Variants in SOX5 observed in about 807,000 individuals in gnomAD.
SOX5 encodes the protein SRY-box transcription factor 5.
Under a neutral mutation model 92.0 loss-of-function variants are expected in SOX5, and 9 were observed. The ratio of observed to expected loss-of-function variants is 0.10; its 90% CI spans 0.06 to 0.17. The LOEUF (loss-of-function observed/expected upper bound fraction) is 0.17. SOX5 is among the 10% of genes least tolerant of loss of function. The pLI, the probability that SOX5 is intolerant of heterozygous loss-of-function variation, is 1.00. For synonymous variants in SOX5, 344 were observed against 336.3 expected (o/e 1.02, Z -0.25); for missense variants, 642 against 944.5 (o/e 0.68, Z 4.20).
intron 4 of SOX5, among the ~76,000 whole-genome samples, chr12:23,988,593 A>C (rs1409467499): frequency 6.6e-6 from 1 of 152,238 alleles, no homozygotes; most frequent in African/African-American, 2.4e-5. Flanking sequence ...ATAAGCAAGC[A>C]CTAATTAATA....
chr12:24,041,381 G>C (rs1956510161), intron 4 of SOX5, among the ~76,000 whole-genome samples: 1 of 152,114 alleles, frequency 6.6e-6, no homozygotes, highest in South Asian at 2.1e-4. Flanking sequence ...AATACCATAT[G>C]CCAGAAAAAT....
chr12:23,875,021 A>G (rs2096912920), intron 2 of SOX5, among the ~76,000 whole-genome samples: 1 of 152,182 alleles, frequency 6.6e-6, no homozygotes. Context: ...TAGGTCTTCA[A>G]CTTCCATTGT....
At chr12:23,968,082 A>G (rs1359661686) in intron 4 of SOX5, among the ~76,000 whole-genome samples, 1 of 152,174 alleles carries the variant, frequency 6.6e-6, no homozygotes, top group Non-Finnish European at 1.5e-5. Flanking sequence ...GTAATTTGCC[A>G]AAAGTCAAAT....
chr12:23,581,685 G>T (rs183169438), intron 9 of SOX5, among the ~76,000 whole-genome samples: 15 of 152,102 alleles, frequency 9.9e-5, no homozygotes, highest in Admixed American at 9.8e-4. Context: ...AGGACATTTA[G>T]GCATGTAGCT....
Position 23,536,665 on chromosome 12 carries a change from A to C in SOX5, c.1776T>G (p.Ser592=). The C allele has an allele frequency of 6.2e-7, 1 of 1,613,218 alleles. No homozygotes were observed. The highest frequency in any genetic ancestry group is 8.5e-7 in the Non-Finnish European group (1 of 1,179,154). The change falls in exon 14 of 15, where the codon TCT becomes TCG. Residue 592 remains serine (S), a synonymous_variant. Transcript: ENST00000451604. ...HNSNISKILG[S]RWKAMTNLEK... Reference sequence around the variant, plus strand: ...CTAGGTTTGTCATAGCTTTCCAGCGAGATCCTATGAAGAAAGGAGGTTAGG... The same window carrying C: ...CTAGGTTTGTCATAGCTTTCCAGCGCGATCCTATGAAGAAAGGAGGTTAGG...
chr12:23,695,664 G>A (rs919444113), intron 6 of SOX5, among the ~76,000 whole-genome samples: 11 of 151,898 alleles, frequency 7.2e-5, no homozygotes, highest in Non-Finnish European at 1.3e-4. Flanking sequence ...AATATGGGCC[G>A]GGCGCAGTGG....
chr12:24,418,292 G>A (rs1309583627), intron 1 of SOX5, among the ~76,000 whole-genome samples: 2 of 152,164 alleles, frequency 1.3e-5, no homozygotes, highest in Admixed American at 1.3e-4. Context: ...TCCAAACCCT[G>A]AAGTAGATTC....
intron 3 of SOX5, among the ~76,000 whole-genome samples, chr12:24,241,556 C>T (rs1189842476): frequency 6.6e-6 from 1 of 152,082 alleles, no homozygotes; most frequent in East Asian, 1.9e-4. Flanking sequence ...TCTGTTTTTA[C>T]TATTGCTGTA....
At chr12:23,885,177 G>T (rs1176513390) in intron 2 of SOX5, among the ~76,000 whole-genome samples, 13 of 152,282 alleles carry the variant, frequency 8.5e-5, no homozygotes, top group Non-Finnish European at 1.3e-4. Context: ...AGAGGGAAAG[G>T]TCTAGTAGTG....
At chr12:24,308,524 G>C (rs140538621) in intron 2 of SOX5, among the ~76,000 whole-genome samples, 1 of 152,252 alleles carries the variant, frequency 6.6e-6, no homozygotes, top group South Asian at 2.1e-4. Flanking sequence ...GGCAAGAATC[G>C]AGGTTGCTGC....
intron 4 of SOX5, among the ~76,000 whole-genome samples, chr12:24,045,637 T>A (rs1350421969): frequency 6.6e-6 from 1 of 152,164 alleles, no homozygotes; most frequent in East Asian, 1.9e-4. Context: ...AATGAGAAAC[T>A]GCTATGTACT....
chr12:24,388,002 C>T (rs1036684982), intron 1 of SOX5, among the ~76,000 whole-genome samples: 13 of 152,138 alleles, frequency 8.5e-5, no homozygotes, highest in Non-Finnish European at 1.9e-4. Flanking sequence ...TCACAGCTGG[C>T]CAAACGATAA....
intron 4 of SOX5, among the ~76,000 whole-genome samples, chr12:24,116,542 A>G (rs979173221): frequency 6.6e-6 from 1 of 152,108 alleles, no homozygotes; most frequent in Non-Finnish European, 1.5e-5. Context: ...TGACAAAGTC[A>G]CAGTACTGCT....
intron 8 of SOX5, among the ~76,000 whole-genome samples, chr12:23,608,464 T>A (rs1013004262): frequency 2.0e-5 from 3 of 152,176 alleles, no homozygotes; most frequent in Non-Finnish European, 2.9e-5. Context: ...ATAAATATGT[T>A]TTTACATACA....
chr12:24,069,724 G>T (rs1214236567), intron 4 of SOX5, among the ~76,000 whole-genome samples: 1 of 152,150 alleles, frequency 6.6e-6, no homozygotes, highest in Non-Finnish European at 1.5e-5. Flanking sequence ...TACAAGGCTG[G>T]ATTTTTCTTT....
Position 24,328,931 on chromosome 12 carries a change from A to C in SOX5, c.-174+39632T>G, listed in dbSNP as rs560758448. 3.3e-5 allele frequency among the ~76,000 whole-genome samples: 5 copies of C among 152,362 alleles called. No homozygotes were observed. In the South Asian group the frequency reaches 1.0e-3, roughly 32 times the overall value. ...TAATAATATTTGGCTCTGTAGTACT[A>C]CAGAAACATGCTTAAAAATCATACA... On this transcript the variant is annotated intron_variant, in intron 2 of 4. Transcript: ENST00000446891.
intron 3 of SOX5, among the ~76,000 whole-genome samples, chr12:23,783,952 T>C (rs1009109696): frequency 9.2e-5 from 14 of 152,196 alleles, no homozygotes; most frequent in Admixed American, 7.9e-4. Flanking sequence ...GGAGGATTGT[T>C]ATAAAAACAA....
chr12:23,606,911 TC>T (rs57219739), intron 8 of SOX5, among the ~76,000 whole-genome samples: 3,330 of 152,274 alleles, frequency 0.022, 103 homozygotes, highest in African/African-American at 0.076. Context: ...ATGCAATATT[TC>T]TATAATAACA....
chr12:24,419,855 A>G (rs886620728), intron 1 of SOX5, among the ~76,000 whole-genome samples: 1 of 152,258 alleles, frequency 6.6e-6, no homozygotes. Context: ...CCATGCTAAA[A>G]AAAAGTGAAA....
Sources: gnomAD v4.1 joint callset for allele counts (sites outside exome capture counted in the v4.1 genomes callset) on GRCh38, gnomAD v4.1.1 for gene constraint, MANE v1.5 for transcripts, NCBI Gene and HGNC (gene_info 2026-07-23, HGNC 2026-07-21) for gene names.